CELF4: variants seen among roughly 807,000 people sequenced by gnomAD.
CELF4 encodes CUGBP Elav-like family member 4.
CELF4 carries 18 observed loss-of-function variants against 59.9 expected under a neutral mutation model. The observed-to-expected ratio is 0.30, with a 90% CI of 0.21 to 0.45. CELF4 has a LOEUF of 0.45. Ranked by LOEUF, CELF4 falls within the 20% of genes least tolerant of loss-of-function variation. CELF4 has a pLI of 1.00. For missense variants in CELF4, 456 were observed against 689.0 expected (o/e 0.66, Z 3.79); for synonymous variants, 261 against 267.1 (o/e 0.98, Z 0.22).
At chr18:37,353,111 C>CT (rs1249703983) in intron 2 of CELF4, among the ~76,000 whole-genome samples, 2 of 151,448 alleles carry the variant, frequency 1.3e-5, no homozygotes, top group African/African-American at 2.4e-5. Flanking sequence ...GTCCCAGCTA[C>CT]TTGGGAGGCT....
intron 2 of CELF4, among the ~76,000 whole-genome samples, chr18:37,375,157 G>C (rs540967613): frequency 6.6e-6 from 1 of 152,152 alleles, no homozygotes; most frequent in African/African-American, 2.4e-5. Context: ...ATGTGTGTGT[G>C]CTCATGCGTC....
At chr18:37,295,658 G>A (rs2095596806) in intron 3 of CELF4, among the ~76,000 whole-genome samples, 1 of 152,202 alleles carries the variant, frequency 6.6e-6, no homozygotes, top group Non-Finnish European at 1.5e-5. Context: ...ACATAAAGAG[G>A]TTAAGAAGTT....
At chr18:37,312,753 A>AC (rs1310327474) in intron 3 of CELF4, among the ~76,000 whole-genome samples, 1 of 152,024 alleles carries the variant, frequency 6.6e-6, no homozygotes, top group Admixed American at 6.5e-5. Context: ...GCTCCTGCCC[A>AC]CCCCCCAGGC....
chr18:37,432,260 CG>C (rs1569569387), intron 2 of CELF4, among the ~76,000 whole-genome samples: 1 of 152,238 alleles, frequency 6.6e-6, no homozygotes, highest in Non-Finnish European at 1.5e-5. Flanking sequence ...GAGGGCCACC[CG>C]CCAATGTGGG....
At chr18:37,414,528 G>C (rs2099511228) in intron 2 of CELF4, among the ~76,000 whole-genome samples, 1 of 130,252 alleles carries the variant, frequency 7.7e-6, no homozygotes, top group Non-Finnish European at 1.6e-5. Flanking sequence ...TTGAGACGGA[G>C]TCTTGCTCTG....
intron 1 of CELF4, among the ~76,000 whole-genome samples, chr18:37,488,150 G>A (rs2099885438): frequency 2.0e-5 from 3 of 152,200 alleles, no homozygotes; most frequent in Admixed American, 1.3e-4. Context: ...CCTTCACTCT[G>A]GTTTCTGCTC....
At chr18:37,472,743 G>A (rs562602736) in intron 2 of CELF4, among the ~76,000 whole-genome samples, 12 of 152,274 alleles carry the variant, frequency 7.9e-5, no homozygotes, top group South Asian at 2.1e-4. Flanking sequence ...GGAGGGTTTC[G>A]CCTCTAAGGC....
At chr18:37,470,251 C>T (rs975724999) in intron 2 of CELF4, among the ~76,000 whole-genome samples, 1 of 152,150 alleles carries the variant, frequency 6.6e-6, no homozygotes, top group Non-Finnish European at 1.5e-5. Flanking sequence ...ATGTTGTCAA[C>T]CTAAGACCAG....
At chr18:37,383,023 CATGTATGTATGTATGT>C (rs72091493) in intron 2 of CELF4, among the ~76,000 whole-genome samples, 34 of 150,274 alleles carry the variant, frequency 2.3e-4, no homozygotes, top group African/African-American at 6.2e-4. Flanking sequence ...ATAGTACATA[CATGTATGTATGTATGT>C]ATGTATGTAT....
chr18:37,340,277 G>A (rs574646254), intron 2 of CELF4, among the ~76,000 whole-genome samples: 24 of 152,338 alleles, frequency 1.6e-4, no homozygotes, highest in Admixed American at 3.3e-4. Context: ...GTGGCTCTCC[G>A]AGCTCTCAGC....
At chr18:37,475,729 G>A (rs914293149) in intron 2 of CELF4, among the ~76,000 whole-genome samples, 5 of 152,182 alleles carry the variant, frequency 3.3e-5, no homozygotes, top group Admixed American at 6.5e-5. Flanking sequence ...GGGGCTAGAG[G>A]CTCTGAAGCA....
At chr18:37,479,662 T>C (rs1277715580) in intron 2 of CELF4, among the ~76,000 whole-genome samples, 1 of 152,156 alleles carries the variant, frequency 6.6e-6, no homozygotes, top group Non-Finnish European at 1.5e-5. Context: ...GCGACCCCCA[T>C]GACTCAGACA....
rs1009791224 is a variant in CELF4, at chr18:37,321,937, A to G, written c.370-56T>C. Reference sequence around the variant, plus strand: ...AGCAGGCCTGCGGGTGAGGGGACAGACACCCAGCACTCAGGTGCACAGGTG... The same window carrying G: ...AGCAGGCCTGCGGGTGAGGGGACAGGCACCCAGCACTCAGGTGCACAGGTG... On this transcript the variant is annotated intron_variant, in intron 2 of 12. Coordinates refer to ENST00000420428, the MANE Select transcript of CELF4 (RefSeq NM_020180.4). 3 of 1,419,194 alleles carry G rather than the reference A, an allele frequency of 2.1e-6. No individual in the cohort carries two copies. In the East Asian group the frequency reaches 7.0e-5, roughly 33 times the overall value. 87.9% of individuals were successfully genotyped at this position (1,419,194 alleles called of 1,614,324 possible).
chr18:37,292,603 C>T (rs997199798), intron 3 of CELF4, among the ~76,000 whole-genome samples: 2 of 152,158 alleles, frequency 1.3e-5, no homozygotes, highest in Non-Finnish European at 2.9e-5. Flanking sequence ...AAACTTGCTG[C>T]GGTTATTAGT....
intron 2 of CELF4, 131 bp downstream of exon 2, chr18:37,485,394 G>T: frequency 5.3e-6 from 1 of 188,262 alleles, no homozygotes; most frequent in Non-Finnish European, 7.5e-6. Context: ...GGGGGCGCGC[G>T]GGCTCCCGAG....
chr18:37,371,851 G>C (rs1262632386), intron 2 of CELF4, among the ~76,000 whole-genome samples: 1 of 152,214 alleles, frequency 6.6e-6, no homozygotes, highest in East Asian at 1.9e-4. Context: ...GAAGAACAAG[G>C]TTCTTGGGCC....
intron 1 of CELF4, among the ~76,000 whole-genome samples, chr18:37,552,582 C>T (rs952652762): frequency 1.3e-5 from 2 of 152,226 alleles, no homozygotes; most frequent in Non-Finnish European, 2.9e-5. Context: ...CAGACTAGCC[C>T]TCTTAATCAC....
chr18:37,324,578 C>G (rs2097235451), intron 2 of CELF4, among the ~76,000 whole-genome samples: 1 of 152,190 alleles, frequency 6.6e-6, no homozygotes, highest in Admixed American at 6.5e-5. Context: ...TATGACAGCT[C>G]TAGCCAACGA....
At chr18:37,257,080 A>G (rs777882651) in intron 11 of CELF4, among the ~76,000 whole-genome samples, 2 of 152,192 alleles carry the variant, frequency 1.3e-5, no homozygotes, top group Admixed American at 6.5e-5. Flanking sequence ...TATACTAATT[A>G]GAGAGAAAAA....
Sources: allele counts gnomAD v4.1 joint callset (sites outside exome capture counted in the v4.1 genomes callset), GRCh38; gene constraint gnomAD v4.1.1; transcripts MANE v1.5; gene names NCBI Gene and HGNC (gene_info 2026-07-23, HGNC 2026-07-21).